Variants in PUDP observed in about 807,000 individuals in gnomAD.
PUDP encodes the protein pseudouridine 5'-phosphatase, also known as pseudouridine-5'-phosphatase.
A neutral mutation model predicts 9.4 loss-of-function variants in PUDP; 8 were observed. That is an observed-to-expected ratio of 0.85 (90% CI 0.50 to 1.53). The LOEUF (loss-of-function observed/expected upper bound fraction) is 1.53. PUDP is among the 40% of genes most tolerant of loss of function. The pLI is 0.00. For synonymous variants in PUDP, 99 were observed against 80.7 expected (o/e 1.23, Z -1.22); for missense variants, 188 against 189.7 (o/e 0.99, Z 0.05).
At chrX:6,803,804 A>G (rs1269900892) in intron 3 of PUDP, among the ~76,000 whole-genome samples, 2 of 112,128 alleles carry the variant, frequency 1.8e-5, no homozygotes, top group African/African-American at 6.5e-5. Flanking sequence ...AACAGTCTGC[A>G]TCGATCAATT....
At chrX:7,043,195 C>A (rs1929945000) in intron 1 of PUDP, among the ~76,000 whole-genome samples, 1 of 111,840 alleles carries the variant, frequency 8.9e-6, no homozygotes, top group Non-Finnish European at 1.9e-5. Context: ...AAATGCAAAA[C>A]CCACGTTGAA....
At chrX:6,907,104 G>A (rs1002151655) in intron 3 of PUDP, among the ~76,000 whole-genome samples, 2 of 110,787 alleles carry the variant, frequency 1.8e-5, no homozygotes, top group African/African-American at 6.6e-5. Context: ...ATGGGAGGGA[G>A]ACGGTGGGAG....
chrX:6,811,912 C>A lies in PUDP; in HGVS notation c.*248-105446G>T, dbSNP rs1176765915. 7.1e-5 allele frequency among the ~76,000 whole-genome samples: 8 copies of A among 112,428 alleles called. No homozygotes were observed. In the Admixed American group the frequency reaches 7.5e-4, roughly 11 times the overall value. ...GAAGGGGCTGCCATAACATGCAATTCAGATGTAGAAAGAAAGAAGGGACTG... is the reference window on the plus strand; with the variant it reads ...GAAGGGGCTGCCATAACATGCAATTAAGATGTAGAAAGAAAGAAGGGACTG... On this transcript the variant is annotated intron_variant and NMD_transcript_variant, in intron 3 of 3. Transcript: ENST00000655425.
Position 7,105,738 on chromosome X carries a change from T to C in PUDP, c.162A>G (p.Ala54=). The change falls in exon 2 of 4, where the codon GCA becomes GCG. Residue 54 remains alanine, a synonymous_variant. Transcript: ENST00000381077. ...DVKSLVMGKK[A]LEAAQIIIDV... ...CTATTATAATCTGTGCCGCCTCTAA[T>C]GCCTTCTTACCCATAACCAGGGACT... 1.7e-6 allele frequency: 2 copies of C among 1,207,628 alleles called. No individual in the cohort carries two copies. The highest frequency in any genetic ancestry group is 3.0e-5 in the East Asian group (1 of 33,851).
intron 3 of PUDP, chrX:7,057,596 G>A (rs1418693085): frequency 1.8e-6 from 2 of 1,090,334 alleles, no homozygotes; most frequent in Admixed American, 3.3e-5. Flanking sequence ...CCATTTTGGT[G>A]GCAGGAAGGA....
At chrX:6,829,367 G>C (rs1433537820) in intron 3 of PUDP, among the ~76,000 whole-genome samples, 2 of 111,648 alleles carry the variant, frequency 1.8e-5, no homozygotes, top group Non-Finnish European at 3.8e-5. Flanking sequence ...CAACTCCTTT[G>C]AATAAATACC....
intron 3 of PUDP, among the ~76,000 whole-genome samples, chrX:6,918,175 C>T (rs1450707182): frequency 8.9e-6 from 1 of 112,245 alleles, no homozygotes; most frequent in East Asian, 2.8e-4. Context: ...TGATTTCCCA[C>T]GCTTCCACAC....
At chrX:7,071,036 T>C (rs1413383272) in intron 3 of PUDP, among the ~76,000 whole-genome samples, 2 of 112,271 alleles carry the variant, frequency 1.8e-5, no homozygotes, top group Non-Finnish European at 3.8e-5. Flanking sequence ...ACGATAAGGA[T>C]AAGTTAAGAT....
At chrX:7,082,983 T>C (rs1422006259) in intron 2 of PUDP, among the ~76,000 whole-genome samples, 1 of 112,237 alleles carries the variant, frequency 8.9e-6, no homozygotes, top group Admixed American at 9.4e-5. Context: ...ATGAGCTCAC[T>C]TTGCCACGTG....
At chrX:6,874,378 A>T (rs1447326206) in intron 3 of PUDP, among the ~76,000 whole-genome samples, 1 of 112,305 alleles carries the variant, frequency 8.9e-6, no homozygotes, top group African/African-American at 3.2e-5. Context: ...AATAGGGTTC[A>T]TTTATTATTG....
At chrX:7,102,878 G>A (rs1166052702) in intron 2 of PUDP, among the ~76,000 whole-genome samples, 1 of 111,172 alleles carries the variant, frequency 9.0e-6, no homozygotes, top group Non-Finnish European at 1.9e-5. Flanking sequence ...TAAGAGAAGT[G>A]AAGGACCTAT....
chrX:6,755,886 A>C (rs1000538860), intron 3 of PUDP, among the ~76,000 whole-genome samples: 1 of 111,260 alleles, frequency 9.0e-6, no homozygotes, highest in Non-Finnish European at 1.9e-5. Context: ...CAAAAAAAAA[A>C]ATAATGAGTT....
chrX:6,807,051 G>A (rs904402754), intron 3 of PUDP, among the ~76,000 whole-genome samples: 5 of 112,274 alleles, frequency 4.5e-5, no homozygotes, highest in African/African-American at 6.5e-5. Context: ...CTGAAAGGTT[G>A]CCTATTGGAA....
At position 6,727,788 on chromosome X, in the gene PUDP, A is replaced by T. The variant is rs763280818; in HGVS notation, c.*248-21322T>A. ...CTAGGCACCCTCAGAGAGGTGGTGC[A>T]ACAGCACAGGTGGCACAGGATGACA... On this transcript the variant is annotated intron_variant and NMD_transcript_variant, in intron 3 of 3. Transcript: ENST00000655425. Among the ~76,000 whole-genome samples the T allele has an allele frequency of 2.4e-3, 272 of 111,715 alleles. 1 individual carries two copies. Among genetic ancestry groups the T allele is most frequent in the Middle Eastern group, 4.6e-3 (1 of 219 alleles).
At chrX:7,093,013 A>T (rs926910165) in intron 2 of PUDP, among the ~76,000 whole-genome samples, 1 of 112,536 alleles carries the variant, frequency 8.9e-6, no homozygotes, top group African/African-American at 3.2e-5. Flanking sequence ...CTACAATATA[A>T]AATGTACTGT....
chrX:6,918,857 T>C (rs1222972663), intron 3 of PUDP, among the ~76,000 whole-genome samples: 1 of 112,449 alleles, frequency 8.9e-6, no homozygotes, highest in Non-Finnish European at 1.9e-5. Flanking sequence ...ATATGTAAAT[T>C]TGGGGAGCAG....
intron 1 of PUDP, among the ~76,000 whole-genome samples, chrX:7,000,689 A>T (rs1236155863): frequency 9.1e-6 from 1 of 109,291 alleles, no homozygotes; most frequent in Non-Finnish European, 1.9e-5. Context: ...ACCTATAATG[A>T]TCATTTTAAC....
intron 3 of PUDP, among the ~76,000 whole-genome samples, chrX:6,756,291 T>C (rs766932418): frequency 1.7e-4 from 19 of 112,360 alleles, no homozygotes; most frequent in African/African-American, 5.2e-4. Context: ...ATGTTCATAG[T>C]AGCACTACTT....
intron 1 of PUDP, among the ~76,000 whole-genome samples, chrX:6,720,439 T>C (rs1281839543): frequency 3.8e-5 from 4 of 105,724 alleles, no homozygotes; most frequent in African/African-American, 1.4e-4. Flanking sequence ...CACTTAGATT[T>C]GGAATCTAAA....
Sources: allele counts gnomAD v4.1 joint callset (sites outside exome capture counted in the v4.1 genomes callset), GRCh38; gene constraint gnomAD v4.1.1; transcripts MANE v1.5; gene names NCBI Gene and HGNC (gene_info 2026-07-23, HGNC 2026-07-21).